ZNF782: variants seen among roughly 807,000 people sequenced by gnomAD.
ZNF782 encodes zinc finger protein 782.
A neutral mutation model predicts 13.0 loss-of-function variants in ZNF782; 12 were observed. The ratio of observed to expected loss-of-function variants is 0.92; its 90% confidence interval spans 0.59 to 1.50. The LOEUF is 1.50. ZNF782 is among the 40% of genes most tolerant of loss of function. The pLI, the probability that ZNF782 is intolerant of heterozygous loss-of-function variation, is 0.00. For synonymous variants in ZNF782, 284 were observed against 283.0 expected (o/e 1.00, Z -0.04); for missense variants, 770 against 822.9 (o/e 0.94, Z 0.79).
At chr9:96,820,146 A>C (rs1850360424) in intron 5 of ZNF782, among the ~76,000 whole-genome samples, 1 of 152,206 alleles carries the variant, frequency 6.6e-6, no homozygotes, top group Non-Finnish European at 1.5e-5. Flanking sequence ...AAGATTACCA[A>C]CATGAAGTAG....
chr9:96,933,271 C>CTGTGTGGAAA, the ZNF782 span, among the ~76,000 whole-genome samples: 1 of 151,924 alleles, frequency 6.6e-6, no homozygotes, highest in East Asian at 1.9e-4. Flanking sequence ...ACCCACCGTG[C>CTGTGTGGAAA]CCGGCTTTTA....
chr9:96,928,165 G>A, the ZNF782 span: 1 of 159,726 alleles, frequency 6.3e-6, no homozygotes, highest in African/African-American at 2.4e-5. Flanking sequence ...TTGGAACCAT[G>A]CAAAAGTATT....
chr9:96,852,010 G>A lies in ZNF782; in HGVS notation c.-44-5C>T. 1 of 1,599,652 alleles carries A rather than the reference G, an allele frequency of 6.3e-7. No individual in the cohort carries two copies. ...TAGAGAACTGTAAAGCCTCAGCTGG[G>A]GGGACAGAAAGAGGATGTCACACGG... is the stretch of plus-strand genomic sequence containing the variant. On this transcript the variant is annotated splice_region_variant and splice_polypyrimidine_tract_variant and intron_variant, in intron 2 of 5. Coordinates refer to ENST00000481138, the MANE Select transcript of ZNF782 (RefSeq NM_001001662.3).
At chr9:96,862,014 T>TA (rs2118862263) in intron 1 of ZNF782, among the ~76,000 whole-genome samples, 1 of 152,254 alleles carries the variant, frequency 6.6e-6, no homozygotes, top group East Asian at 1.9e-4. Flanking sequence ...GCATCCCGAG[T>TA]GTCCATCAAC....
chr9:96,920,641 G>T, the ZNF782 span, among the ~76,000 whole-genome samples: 6 of 149,224 alleles, frequency 4.0e-5, no homozygotes, highest in African/African-American at 1.2e-4. Context: ...TTATGGCTGG[G>T]CACAGTGGCT....
chr9:96,912,431 T>C, the ZNF782 span, among the ~76,000 whole-genome samples: 1 of 142,708 alleles, frequency 7.0e-6, no homozygotes, highest in Non-Finnish European at 1.5e-5. Context: ...GAGGCGGACA[T>C]TGCAGTGAGC....
the ZNF782 span, among the ~76,000 whole-genome samples, chr9:96,886,518 A>G: frequency 6.6e-6 from 1 of 152,204 alleles, no homozygotes; most frequent in Admixed American, 6.5e-5. Flanking sequence ...AGGTTGTTAA[A>G]CCACACTAGA....
the ZNF782 span, chr9:96,891,284 T>C: frequency 1.3e-5 from 2 of 152,206 alleles, no homozygotes; most frequent in Non-Finnish European, 2.9e-5. Flanking sequence ...ATATTATGTA[T>C]ATTTTACCAC....
intron 1 of ZNF782, among the ~76,000 whole-genome samples, chr9:96,871,204 G>T (rs1316074068): frequency 6.6e-6 from 1 of 152,078 alleles, no homozygotes; most frequent in Non-Finnish European, 1.5e-5. Context: ...TAGTATGCTT[G>T]TGCCCTCCAG....
the ZNF782 span, among the ~76,000 whole-genome samples, chr9:96,909,437 T>TA: frequency 6.8e-6 from 1 of 147,406 alleles, no homozygotes; most frequent in East Asian, 2.0e-4. Context: ...TCCATTAAAA[T>TA]AAAAAACAAT....
At chr9:96,932,505 G>A in the ZNF782 span, 6 of 1,201,612 alleles carry the variant, frequency 5.0e-6, no homozygotes, top group Admixed American at 2.1e-5. Context: ...CTGTTCAGGG[G>A]AGCTTGCAGG....
chr9:96,818,875 C>T lies in ZNF782; in HGVS notation c.1148G>A (p.Trp383Ter). Residue 383 changes from tryptophan (W) to a stop codon, truncating the protein, a stop_gained, in exon 6 of 6, where the codon TGG becomes TAG. Transcript: ENST00000481138. LOFTEE classifies it low-confidence loss of function (END_TRUNC). ...KSCSMNSHLI[W>*]PQKSHTGEKP... ...CTCCCCTGTGTGACTTTTCTGAGGC[C>T]AAATCAAGTGTGAATTCATAGAGCA... 1 of 1,614,102 alleles carries T rather than the reference C, an allele frequency of 6.2e-7. No individual in the cohort carries two copies. The highest frequency in any genetic ancestry group is 8.5e-7 in the Non-Finnish European group (1 of 1,180,018).
the ZNF782 span, among the ~76,000 whole-genome samples, chr9:96,920,745 C>G: frequency 6.7e-6 from 1 of 149,026 alleles, no homozygotes; most frequent in Non-Finnish European, 1.5e-5. Context: ...GAAACCCCAT[C>G]TCTACTAAAA....
the ZNF782 span, among the ~76,000 whole-genome samples, chr9:96,925,789 C>T: frequency 1.8e-3 from 274 of 149,526 alleles, 2 homozygotes; most frequent in African/African-American, 6.4e-3. Flanking sequence ...ACGTCTATGA[C>T]GGCCTAGGGC....
chr9:96,894,447 T>G, the ZNF782 span: 1 of 152,244 alleles, frequency 6.6e-6, no homozygotes. Flanking sequence ...CAGCCTGTTT[T>G]CAGCAAGAAT....
chr9:96,819,415 A>G lies in ZNF782; in HGVS notation c.608T>C (p.Ile203Thr), dbSNP rs747954812. ...CAGAGTCTGAATTGTCTGATGTTGAATAACTTCCTCCTTATGATGGAGGGT... is the reference window on the plus strand; with the variant it reads ...CAGAGTCTGAATTGTCTGATGTTGAGTAACTTCCTCCTTATGATGGAGGGT... Reference protein sequence around the residue: ...VKTLHHKEEVIQHQTIQTLGQ... With the variant: ...VKTLHHKEEVTQHQTIQTLGQ... The change falls in exon 6 of 6, where the codon ATT becomes ACT. Residue 203 changes from isoleucine (I) to threonine (T), a missense_variant. Coordinates refer to ENST00000481138, the MANE Select transcript of ZNF782 (RefSeq NM_001001662.3). 3 of 1,610,626 alleles carry G rather than the reference A, an allele frequency of 1.9e-6. No homozygotes were observed. The highest frequency in any genetic ancestry group is 2.7e-5 in the African/African-American group (2 of 74,626).
intron 4 of ZNF782, among the ~76,000 whole-genome samples, chr9:96,835,586 T>A (rs965330420): frequency 6.6e-6 from 1 of 152,186 alleles, no homozygotes; most frequent in Admixed American, 6.5e-5. Flanking sequence ...CTGCTTCAGC[T>A]GAAACAGCCA....
Position 96,818,379 on chromosome 9 carries a change from T to C in ZNF782, c.1644A>G (p.Gln548=), listed in dbSNP as rs1850252732. The C allele has an allele frequency of 3.7e-6, 6 of 1,613,620 alleles. No homozygotes were observed. In the East Asian group the frequency reaches 1.3e-4, roughly 36 times the overall value. ...TGTGAATTCTATGATGTCCTCTGAG[T>C]TGTGATTTCTGACCGAAAGCTTTTC... The part of the protein sequence containing the change: ...QCGKAFGQKS[Q]LRGHHRIHTG... Residue 548 remains glutamine, a synonymous_variant, in exon 6 of 6, where the codon CAA becomes CAG. Transcript: ENST00000481138.
chr9:96,933,139 G>A, the ZNF782 span, among the ~76,000 whole-genome samples: 5 of 151,056 alleles, frequency 3.3e-5, no homozygotes, highest in East Asian at 2.0e-4. Flanking sequence ...CACCATGCCC[G>A]GCTAATTTTT....
Sources: gnomAD v4.1 joint callset for allele counts (sites outside exome capture counted in the v4.1 genomes callset) on GRCh38, gnomAD v4.1.1 for gene constraint, MANE v1.5 for transcripts, NCBI Gene and HGNC (gene_info 2026-07-23, HGNC 2026-07-21) for gene names.